CFAP100: variants seen among roughly 807,000 people sequenced by gnomAD.
CFAP100 encodes the protein cilia- and flagella-associated protein 100.
In CFAP100, 70 loss-of-function variants were observed where a neutral mutation model predicts 81.5. The ratio of observed to expected loss-of-function variants is 0.86; its 90% CI spans 0.71 to 1.05. The LOEUF is 1.05. CFAP100 is among the 50% of genes least tolerant of loss of function. The pLI, the probability that CFAP100 is intolerant of heterozygous loss-of-function variation, is 0.00. For synonymous variants in CFAP100, 341 were observed against 314.8 expected (o/e 1.08, Z -0.88); for missense variants, 811 against 776.5 (o/e 1.04, Z -0.53).
At chr3:126,419,509 C>A (rs1315688070) in intron 8 of CFAP100, 128 bp from the exon 9 acceptor site, 2 of 833,894 alleles carry the variant, frequency 2.4e-6, no homozygotes, top group East Asian at 2.5e-5. Context: ...ATTCCTGCAC[C>A]TTTTCTCAAG....
chr3:126,433,912 T>C (rs2107620120), intron 14 of CFAP100: 1 of 480,586 alleles, frequency 2.1e-6, no homozygotes. Flanking sequence ...AGGAGGGGAC[T>C]GGGCCCCGTT....
chr3:126,397,046 G>A (rs2082901166), intron 2 of CFAP100, among the ~76,000 whole-genome samples: 1 of 152,184 alleles, frequency 6.6e-6, no homozygotes, highest in Non-Finnish European at 1.5e-5. Context: ...TGCACATACA[G>A]GCAAATGTGT....
intron 2 of CFAP100, among the ~76,000 whole-genome samples, chr3:126,404,249 G>A (rs764843401): frequency 6.6e-6 from 1 of 152,126 alleles, no homozygotes. Flanking sequence ...TGATGGAAGA[G>A]TATCAAGCTA....
intron 13 of CFAP100, 94 bp downstream of exon 13, chr3:126,423,738 C>G: frequency 1.4e-6 from 2 of 1,468,574 alleles, no homozygotes; most frequent in South Asian, 2.4e-5. Flanking sequence ...ACAGCCCACA[C>G]CCGTCCGTGG....
At chr3:126,418,899 C>T (rs917633956) in intron 7 of CFAP100, 125 bp downstream of exon 7, 36 of 1,248,216 alleles carry the variant, frequency 2.9e-5, no homozygotes, top group East Asian at 7.7e-5. Context: ...GCACCAGGGC[C>T]GGTCGGGAGC....
rs538384312 is a variant in CFAP100 at position 126,434,281 on chromosome 3, A to C, written c.1528A>C (p.Ile510Leu). ...GGGCACCGTGCAGATGCTGACCATC[A>C]TTGAGCACCAGCTGGATGAGCTGCT... ...NLGTVQMLTI[I>L]EHQLDELLEN... is the part of the protein sequence containing the mutation. Residue 510 changes from isoleucine to leucine, a missense_variant, in exon 15 of 17, where the codon ATT (isoleucine) becomes CTT (leucine). Ile to Leu is a conservative substitution (Grantham distance 5, BLOSUM62 2). Coordinates refer to ENST00000352312, the MANE Select transcript of CFAP100 (RefSeq NM_182628.3). 2 of 1,613,946 alleles carry C rather than the reference A, an allele frequency of 1.2e-6. No individual in the cohort carries two copies. The highest frequency in any genetic ancestry group is 1.7e-6 in the Non-Finnish European group (2 of 1,180,020).
At chr3:126,407,348 A>T (rs1384019878) in intron 3 of CFAP100, 96 bp downstream of exon 3, 6 of 674,934 alleles carry the variant, frequency 8.9e-6, no homozygotes, top group Non-Finnish European at 1.3e-5. Flanking sequence ...TCTAGAGCTA[A>T]GGGCAGAAGG....
chr3:126,419,806 C>G lies in CFAP100; in HGVS notation c.901C>G (p.Pro301Ala). Residue 301 changes from proline (P) to alanine (A), a missense_variant, in exon 9 of 17, where the codon CCA becomes GCA. By Grantham distance (27) the Pro-to-Ala change is conservative. Transcript: ENST00000352312. Reference protein sequence around the residue: ...ASKESSVNSTPGDKGPGIKGK... With the variant: ...ASKESSVNSTAGDKGPGIKGK... Reference sequence around the variant, plus strand: ...CAAAGAGAGCAGTGTTAACTCCACACCAGGGGACAAAGGTAGCAGAAAAGA... The same window carrying G: ...CAAAGAGAGCAGTGTTAACTCCACAGCAGGGGACAAAGGTAGCAGAAAAGA... 1 of 1,613,800 alleles carries G rather than the reference C, an allele frequency of 6.2e-7. No individual in the cohort carries two copies. The highest frequency in any genetic ancestry group is 1.7e-4 in the Middle Eastern group (1 of 5,968).
intron 13 of CFAP100, 88 bp from the exon 14 acceptor site, chr3:126,432,981 C>T (rs1933289812): frequency 6.7e-7 from 1 of 1,498,794 alleles, no homozygotes; most frequent in African/African-American, 1.4e-5. Context: ...CTGGTAGGGG[C>T]AAAGCACTGT....
At chr3:126,399,429 A>G (rs1367028008) in intron 2 of CFAP100, among the ~76,000 whole-genome samples, 1 of 152,230 alleles carries the variant, frequency 6.6e-6, no homozygotes, top group Admixed American at 6.5e-5. Context: ...AAAAGAAGTA[A>G]AAGACCCAGA....
chr3:126,423,541 C>T lies in CFAP100; in HGVS notation c.1183C>T (p.Arg395Ter), dbSNP rs144967893. Reference protein sequence around the residue: ...TEPQQLLDVFRELEEQNLSLI... With the variant: ...TEPQQLLDVF The stretch of plus-strand genomic sequence containing the variant: ...GCCCCAGCAGCTCCTGGATGTCTTC[C>T]GAGAGCTGGAGGAGCAGAACCTGTC... The change falls in exon 13 of 17, where the codon CGA becomes TGA. Residue 395 changes from arginine to a stop codon, truncating the protein, a stop_gained. Transcript: ENST00000352312. LOFTEE classifies it high-confidence loss of function. The T allele has an allele frequency of 1.5e-5, 25 of 1,614,154 alleles. No individual in the cohort carries two copies. The African/African-American group carries it at 2.7e-4, about 17-fold the overall frequency.
chr3:126,432,143 G>T (rs1320992287), intron 13 of CFAP100, among the ~76,000 whole-genome samples: 2 of 151,964 alleles, frequency 1.3e-5, no homozygotes, highest in African/African-American at 4.8e-5. Context: ...GCCGGGCGTG[G>T]TGGCGGGTGC....
intron 2 of CFAP100, among the ~76,000 whole-genome samples, chr3:126,401,395 TTTTATATATATATA>T (rs1481464673): frequency 1.8e-5 from 1 of 55,036 alleles, no homozygotes; most frequent in Non-Finnish European, 4.3e-5. Context: ...GCAAATCGTA[TTTTATATATATATA>T]TATATATATA....
intron 13 of CFAP100, among the ~76,000 whole-genome samples, chr3:126,427,297 G>C (rs1932989723): frequency 6.6e-6 from 1 of 152,186 alleles, no homozygotes; most frequent in African/African-American, 2.4e-5. Flanking sequence ...ACCGGTGAAA[G>C]AATAGTGAAA....
chr3:126,418,382 G>T (rs746859891), intron 5 of CFAP100, 76 bp from the exon 6 acceptor site: 13 of 1,358,882 alleles, frequency 9.6e-6, no homozygotes, highest in African/African-American at 7.2e-5. Flanking sequence ...CCGGTGGAAG[G>T]CTCCTCTGCA....
At chr3:126,395,667 ACCCCCAGCTG>A (rs1230024106) in intron 1 of CFAP100, among the ~76,000 whole-genome samples, 1 of 152,030 alleles carries the variant, frequency 6.6e-6, no homozygotes, top group African/African-American at 2.4e-5. Flanking sequence ...GAAGCCCAGC[ACCCCCAGCTG>A]GGTATGGGAG....
At chr3:126,421,692 TG>T (rs1455293342) in intron 11 of CFAP100, among the ~76,000 whole-genome samples, 4 of 152,226 alleles carry the variant, frequency 2.6e-5, no homozygotes, top group Non-Finnish European at 4.4e-5. Flanking sequence ...CACACCCAGA[TG>T]GGTAGCCCCA....
At chr3:126,418,025 TGCC>T in intron 5 of CFAP100, 1 of 186,684 alleles carries the variant, frequency 5.4e-6, no homozygotes. Flanking sequence ...ACTCAGCCTC[TGCC>T]CAGTTTGCTC....
intron 2 of CFAP100, among the ~76,000 whole-genome samples, chr3:126,398,191 GGGGT>G (rs957391071): frequency 2.6e-5 from 4 of 152,210 alleles, no homozygotes; most frequent in Non-Finnish European, 4.4e-5. Context: ...AGGGCGGGCA[GGGGT>G]GGGGGCTGCA....
Sources: gnomAD v4.1 joint callset for allele counts (sites outside exome capture counted in the v4.1 genomes callset) on GRCh38, gnomAD v4.1.1 for gene constraint, MANE v1.5 for transcripts, NCBI Gene and HGNC (gene_info 2026-07-23, HGNC 2026-07-21) for gene names.